The following SEPTIN8 variants were observed in gnomAD, a reference collection of about 807,000 sequenced individuals.
SEPTIN8 encodes the protein septin-8.
In SEPTIN8, 22 loss-of-function variants were observed where a neutral mutation model predicts 53.1. That is an observed-to-expected ratio of 0.41 (90% CI 0.30 to 0.59). The LOEUF is 0.59. Among genes scored for constraint, SEPTIN8 ranks in the 20% least tolerant of loss-of-function variants. SEPTIN8 has a pLI of 0.24. For synonymous variants in SEPTIN8, 228 were observed against 248.4 expected, an observed-to-expected ratio of 0.92 and a Z score of 0.77; for missense variants, 536 against 638.7, an observed-to-expected ratio of 0.84 and a Z score of 1.73.
chr5:132,763,967 G>C, intron 3 of SEPTIN8, 75 bp from the exon 4 acceptor site: 1 of 1,423,542 alleles, frequency 7.0e-7, no homozygotes, highest in Non-Finnish European at 9.5e-7. Flanking sequence ...TCAGGGCTCG[G>C]GGCCAAGCCA....
chr5:132,756,322 G>A, intron 9 of SEPTIN8: 1 of 981,368 alleles, frequency 1.0e-6, no homozygotes, highest in Non-Finnish European at 1.2e-6. Context: ...TATGCCTTTT[G>A]ATCTGGTGTA....
At chr5:132,770,367 A>G (rs1193411594) in intron 1 of SEPTIN8, among the ~76,000 whole-genome samples, 3 of 151,302 alleles carry the variant, frequency 2.0e-5, no homozygotes, top group Non-Finnish European at 4.4e-5. Context: ...TTTAGTAGAG[A>G]CGGGGTTTCA....
chr5:132,753,013 A>G, intron 9 of SEPTIN8: 9 of 1,481,530 alleles, frequency 6.1e-6, no homozygotes, highest in Non-Finnish European at 8.5e-6. Context: ...ATAGTGTGAA[A>G]CCTCCTTGCT....
Position 132,763,843 on chromosome 5 carries a change from G to T in SEPTIN8, c.397C>A (p.Gln133Lys). ...GAGCGGCGGATCTTCAGCTCCTCCTGCAGATAATTTTCAAACTGCGCATCG... is the reference window on the plus strand; with the variant it reads ...GAGCGGCGGATCTTCAGCTCCTCCTTCAGATAATTTTCAAACTGCGCATCG... ...YIDAQFENYL[Q>K]EELKIRRSLF... Residue 133 changes from glutamine to lysine, a missense_variant, in exon 4 of 10, where the codon CAG becomes AAG. By Grantham distance (53) the Gln-to-Lys change is moderately conservative. Transcript: ENST00000378719. 6.2e-7 allele frequency: 1 copy of T among 1,606,738 alleles called. No homozygotes were observed. Among genetic ancestry groups the T allele is most frequent in the Non-Finnish European group, 8.5e-7 (1 of 1,176,116 alleles).
At chr5:132,775,477 G>A (rs1264535886) in intron 1 of SEPTIN8, among the ~76,000 whole-genome samples, 8 of 152,176 alleles carry the variant, frequency 5.3e-5, no homozygotes, top group Non-Finnish European at 1.5e-5. Flanking sequence ...ATACCCCTAT[G>A]AGGGAAGAAA....
rs961965737 is a variant in SEPTIN8, at chr5:132,751,087, G to A, written c.*929C>T. Reference sequence around the variant, plus strand: ...CAACATGGGATGGCAAAGCACAGGCGTGCACACGCCCTTGCACATGCACCA... The same window carrying A: ...CAACATGGGATGGCAAAGCACAGGCATGCACACGCCCTTGCACATGCACCA... On this transcript the variant is annotated 3_prime_UTR_variant, in exon 10 of 10. Coordinates refer to ENST00000378719, the MANE Select transcript of SEPTIN8 (RefSeq NM_001098811.2). The A allele has an allele frequency of 4.7e-5, 69 of 1,473,514 alleles. 1 individual carries two copies. Among genetic ancestry groups the A allele is most frequent in the African/African-American group, 2.6e-4 (19 of 71,954 alleles). 91.3% of individuals were successfully genotyped at this position (1,473,514 alleles called of 1,614,324 possible).
intron 1 of SEPTIN8, among the ~76,000 whole-genome samples, chr5:132,768,580 C>A (rs914321620): frequency 5.9e-5 from 9 of 152,238 alleles, no homozygotes; most frequent in Non-Finnish European, 1.3e-4. Context: ...ACCTCCTGCA[C>A]ATCTCAGCTA....
In SEPTIN8 at chr5:132,765,486, ACATG is replaced by A; in HGVS notation, c.70_73del (p.His24TrpfsTer36). On this transcript the variant is annotated frameshift_variant, in exon 2 of 10. Transcript: ENST00000378719. LOFTEE classifies it high-confidence loss of function. The stretch of plus-strand genomic sequence containing the variant: ...CTGGTCGGGGAGGCTGTCGAAACCC[ACATG>A]GCCGCCCAGGGAGAGGCTCCGGGGC... 2 of 1,612,468 alleles carry A rather than the reference ACATG, an allele frequency of 1.2e-6. No individual in the cohort carries two copies. Among genetic ancestry groups the A allele is most frequent in the Non-Finnish European group, 1.7e-6 (2 of 1,179,204 alleles).
intron 4 of SEPTIN8, 49 bp downstream of exon 4, chr5:132,763,657 C>T (rs766120612): frequency 1.6e-5 from 25 of 1,557,768 alleles, no homozygotes; most frequent in African/African-American, 5.4e-5. Flanking sequence ...CACATCGCAT[C>T]GCAGCAGAAG....
At chr5:132,766,968 G>A (rs928712488) in intron 1 of SEPTIN8, among the ~76,000 whole-genome samples, 10 of 152,044 alleles carry the variant, frequency 6.6e-5, no homozygotes, top group African/African-American at 1.9e-4. Context: ...TTGCATCAAC[G>A]ACTCCCAAGT....
At chr5:132,764,456 C>A in intron 2 of SEPTIN8, 37 bp from the exon 3 acceptor site, 2 of 1,560,728 alleles carry the variant, frequency 1.3e-6, no homozygotes, top group Non-Finnish European at 1.7e-6. Flanking sequence ...AAGTGGGTGT[C>A]ATAGGCTGGA....
In SEPTIN8 at chr5:132,776,358, A is replaced by C. The variant is rs1239496814; in HGVS notation, c.30+750T>G. Among the ~76,000 whole-genome samples the C allele has an allele frequency of 6.6e-6, 1 of 152,208 alleles. No individual in the cohort carries two copies. Among genetic ancestry groups the C allele is most frequent in the Non-Finnish European group, 1.5e-5 (1 of 68,038 alleles). ...GAGTGAATTATGAAAGCCTTTAGTA[A>C]GTTGGCTGTCGGCAGGCTCAGGCCC... is the stretch of plus-strand genomic sequence containing the variant. On this transcript the variant is annotated intron_variant, in intron 1 of 9. Transcript: ENST00000378719. The surrounding 1 kb of genome is among the most constrained non-coding windows in gnomAD (Gnocchi z 4.4).
intron 1 of SEPTIN8, among the ~76,000 whole-genome samples, chr5:132,769,263 G>C (rs1756934099): frequency 6.6e-6 from 1 of 152,228 alleles, no homozygotes; most frequent in African/African-American, 2.4e-5. Flanking sequence ...AGGGACCTGA[G>C]AACAGACCAA....
intron 9 of SEPTIN8, among the ~76,000 whole-genome samples, chr5:132,755,089 T>C (rs1755210040): frequency 6.6e-6 from 1 of 152,126 alleles, no homozygotes; most frequent in South Asian, 2.1e-4. Context: ...CCTTCAAAGC[T>C]TGGTGAATAC....
At chr5:132,752,614 G>C (rs972788392) in intron 9 of SEPTIN8, among the ~76,000 whole-genome samples, 1 of 152,108 alleles carries the variant, frequency 6.6e-6, no homozygotes, top group Non-Finnish European at 1.5e-5. Context: ...AAGCATTGTG[G>C]GGGCACAAGG....
At chr5:132,774,500 C>A (rs1757611637) in intron 1 of SEPTIN8, among the ~76,000 whole-genome samples, 1 of 152,166 alleles carries the variant, frequency 6.6e-6, no homozygotes, top group Admixed American at 6.5e-5. Context: ...GGCAACACAC[C>A]CTCCTCAGAG....
chr5:132,751,323 GT>G lies in SEPTIN8; in HGVS notation c.*692del, dbSNP rs1754826816. On this transcript the variant is annotated 3_prime_UTR_variant, in exon 10 of 10. Transcript: ENST00000378719. Reference sequence around the variant, plus strand: ...CTATGAATACTGTACATAAATATCTGTCTGCTTTTGCTACACTTTACACACA... The same window carrying G: ...CTATGAATACTGTACATAAATATCTGCTGCTTTTGCTACACTTTACACACA... 1 of 235,330 alleles carries G rather than the reference GT, an allele frequency of 4.2e-6. No individual in the cohort carries two copies. The highest frequency in any genetic ancestry group is 8.2e-6 in the Non-Finnish European group (1 of 122,174). The allele number at this position is 235,330 out of a possible 1,614,324, so 14.6% of individuals were successfully genotyped here. A position where few individuals can be genotyped will look rare whatever the true frequency, so the allele number is the denominator to read the frequency against.
chr5:132,752,113 G>C lies in SEPTIN8; in HGVS notation c.1355C>G (p.Ala452Gly). Residue 452 changes from alanine (A) to glycine (G), a missense_variant, in exon 10 of 10, where the codon GCC becomes GGC. Ala to Gly is a moderately conservative substitution (Grantham distance 60). This residue lies in a region of SEPTIN8 where 133 missense variants were observed against 157.4 expected (regional missense o/e 0.84). Transcript: ENST00000378719. ...GCTGCAGTTCAAGGGCTCCACACTG[G>C]CCTTGGTCATCATCACCTTAGAGCT... ...LSSSKVMMTK[A>G]SVEPLNCSSW... 1 of 1,599,040 alleles carries C rather than the reference G, an allele frequency of 6.3e-7. No homozygotes were observed. Among genetic ancestry groups the C allele is most frequent in the South Asian group, 1.1e-5 (1 of 88,142 alleles).
chr5:132,755,027 T>C (rs1429872031), intron 9 of SEPTIN8, among the ~76,000 whole-genome samples: 1 of 152,070 alleles, frequency 6.6e-6, no homozygotes, highest in Non-Finnish European at 1.5e-5. Flanking sequence ...TTTGATGATG[T>C]TTCCACCACC....
Sources: gnomAD v4.1 joint callset for allele counts (sites outside exome capture counted in the v4.1 genomes callset) on GRCh38, gnomAD v4.1.1 for gene constraint, gnomAD v4.1.1 regional missense constraint, Gnocchi (gnomAD v3.1) non-coding constraint, MANE v1.5 for transcripts, NCBI Gene and HGNC (gene_info 2026-07-23, HGNC 2026-07-21) for gene names.